CLVS1: variants seen among roughly 807,000 people sequenced by gnomAD.
CLVS1 encodes the protein clavesin 1, also known as clavesin-1.
Under a neutral mutation model 33.1 loss-of-function variants are expected in CLVS1, and 10 were observed. The ratio of observed to expected loss-of-function variants is 0.30; its 90% CI spans 0.19 to 0.51. The LOEUF (loss-of-function observed/expected upper bound fraction) is 0.51, where lower values mean the gene tolerates loss of function less well. CLVS1 is among the 20% of genes least tolerant of loss of function. The pLI, the probability that CLVS1 is intolerant of heterozygous loss-of-function variation, is 0.97. For missense variants in CLVS1, 343 were observed against 433.4 expected (o/e 0.79, Z 1.85); for synonymous variants, 163 against 166.1 (o/e 0.98, Z 0.14).
intron 1 of CLVS1, among the ~76,000 whole-genome samples, chr8:61,057,669 T>G (rs756701697): frequency 1.3e-5 from 2 of 152,044 alleles, no homozygotes; most frequent in Non-Finnish European, 2.9e-5. Context: ...ACTGCACAAC[T>G]GTGCAGCAAC....
At chr8:60,968,164 G>T in the CLVS1 span, among the ~76,000 whole-genome samples, 1 of 152,162 alleles carries the variant, frequency 6.6e-6, no homozygotes, top group East Asian at 1.9e-4. Context: ...AACTCCTGGG[G>T]TCAAGTGACC....
intron 3 of CLVS1, among the ~76,000 whole-genome samples, chr8:61,396,847 C>A (rs1364499532): frequency 6.6e-6 from 1 of 152,114 alleles, no homozygotes; most frequent in Non-Finnish European, 1.5e-5. Context: ...CAAGGTGATT[C>A]CAGGTATAGC....
intron 2 of CLVS1, among the ~76,000 whole-genome samples, chr8:61,242,473 T>G (rs944328511): frequency 1.3e-5 from 2 of 152,152 alleles, no homozygotes; most frequent in African/African-American, 4.8e-5. Flanking sequence ...TCCTTTTTAC[T>G]TTTAGAATTT....
intron 2 of CLVS1, among the ~76,000 whole-genome samples, chr8:61,258,916 A>G (rs1809141882): frequency 6.6e-6 from 1 of 152,228 alleles, no homozygotes; most frequent in South Asian, 2.1e-4. Flanking sequence ...AAAGGTATAG[A>G]GTAAACAGAG....
chr8:61,412,624 G>A (rs763180432), intron 3 of CLVS1, among the ~76,000 whole-genome samples: 27 of 152,176 alleles, frequency 1.8e-4, no homozygotes, highest in Non-Finnish European at 3.4e-4. Context: ...TGTAACAACC[G>A]GAGATGGGGC....
intron 2 of CLVS1, among the ~76,000 whole-genome samples, chr8:61,262,299 A>C (rs2129592283): frequency 6.6e-6 from 1 of 152,178 alleles, no homozygotes; most frequent in Admixed American, 6.5e-5. Context: ...TACAGATGTG[A>C]GTGATTGTGC....
At chr8:61,213,221 C>T (rs1808008938) in intron 2 of CLVS1, among the ~76,000 whole-genome samples, 1 of 149,926 alleles carries the variant, frequency 6.7e-6, no homozygotes, top group Non-Finnish European at 1.5e-5. Flanking sequence ...TGTCCACTTG[C>T]TTCACTCCCA....
At chr8:61,031,865 A>G in the CLVS1 span, among the ~76,000 whole-genome samples, 1 of 152,112 alleles carries the variant, frequency 6.6e-6, no homozygotes, top group Non-Finnish European at 1.5e-5. Context: ...AAAGGGAAAA[A>G]TGGGGCGGGG....
chr8:61,231,895 G>A (rs1352853545), intron 2 of CLVS1, among the ~76,000 whole-genome samples: 1 of 152,132 alleles, frequency 6.6e-6, no homozygotes, highest in Non-Finnish European at 1.5e-5. Context: ...AGGAGTGGGG[G>A]GCAAGGGTGG....
At chr8:61,219,822 C>T (rs1264153996) in intron 2 of CLVS1, among the ~76,000 whole-genome samples, 1 of 152,160 alleles carries the variant, frequency 6.6e-6, no homozygotes, top group Non-Finnish European at 1.5e-5. Flanking sequence ...TGTTTCCTGA[C>T]TTTTTAATAA....
intron 2 of CLVS1, among the ~76,000 whole-genome samples, chr8:61,218,830 G>A (rs1808148073): frequency 6.6e-6 from 1 of 150,728 alleles, no homozygotes; most frequent in Non-Finnish European, 1.5e-5. Flanking sequence ...TCTAATCCCA[G>A]CCACTAGGGA....
intron 1 of CLVS1, among the ~76,000 whole-genome samples, chr8:61,059,499 T>TATATATATATATATATATATATATATAC (rs1265187479): frequency 1.8e-4 from 17 of 96,302 alleles, no homozygotes; most frequent in Admixed American, 5.1e-4. Flanking sequence ...TATATATATA[T>TATATATATATATATATATATATATATAC]ACACATATCT....
chr8:61,244,527 C>G (rs1312675750), intron 2 of CLVS1, among the ~76,000 whole-genome samples: 2 of 152,096 alleles, frequency 1.3e-5, no homozygotes, highest in Admixed American at 1.3e-4. Flanking sequence ...TGTAGCTGTA[C>G]TAATATTTTG....
At chr8:61,124,193 A>G (rs1358940076) in intron 1 of CLVS1, among the ~76,000 whole-genome samples, 2 of 152,254 alleles carry the variant, frequency 1.3e-5, no homozygotes, top group African/African-American at 2.4e-5. Context: ...CTTGCAAAAG[A>G]ACAACACTGC....
At chr8:61,005,316 C>T in the CLVS1 span, among the ~76,000 whole-genome samples, 20 of 151,908 alleles carry the variant, frequency 1.3e-4, no homozygotes, top group East Asian at 3.9e-3. Context: ...TCACCTTTCT[C>T]ATTCTCTCAT....
chr8:61,172,766 A>G (rs1206588552), intron 2 of CLVS1, among the ~76,000 whole-genome samples: 1 of 147,864 alleles, frequency 6.8e-6, no homozygotes, highest in Non-Finnish European at 1.5e-5. Flanking sequence ...TCTCCTCCAA[A>G]GGAAGTCAGG....
intron 3 of CLVS1, among the ~76,000 whole-genome samples, chr8:61,449,624 T>C (rs938471535): frequency 2.0e-5 from 3 of 152,228 alleles, no homozygotes; most frequent in Non-Finnish European, 2.9e-5. Context: ...AGACTGCCTG[T>C]TACTAGTCAT....
At chr8:61,024,327 T>C in the CLVS1 span, among the ~76,000 whole-genome samples, 2 of 152,272 alleles carry the variant, frequency 1.3e-5, no homozygotes, top group African/African-American at 2.4e-5. Flanking sequence ...TAAACAACCA[T>C]CAGACAATGG....
At chr8:61,340,944 T>C (rs1019486602) in intron 2 of CLVS1, among the ~76,000 whole-genome samples, 5 of 152,240 alleles carry the variant, frequency 3.3e-5, no homozygotes, top group African/African-American at 9.6e-5. Context: ...GTTTTGGGAA[T>C]GTGAAGACAA....
Sources: allele counts gnomAD v4.1 joint callset (sites outside exome capture counted in the v4.1 genomes callset), GRCh38; gene constraint gnomAD v4.1.1; transcripts MANE v1.5; gene names NCBI Gene and HGNC (gene_info 2026-07-23, HGNC 2026-07-21).